GADL1: variants seen among roughly 807,000 people sequenced by gnomAD.
GADL1 encodes GAD like acidic amino acid decarboxylase 1, also known as acidic amino acid decarboxylase GADL1.
A neutral mutation model predicts 69.5 loss-of-function variants in GADL1; 71 were observed. The observed-to-expected ratio is 1.02, with a 90% CI of 0.84 to 1.25. GADL1 has a LOEUF of 1.25. Among genes scored for constraint, GADL1 ranks in the 50% most tolerant of loss-of-function variants. The pLI is 0.00. For missense variants in GADL1, 737 were observed against 631.8 expected, an observed-to-expected ratio of 1.17 and a Z score of -1.79; for synonymous variants, 254 against 214.4, an observed-to-expected ratio of 1.18 and a Z score of -1.62.
chr3:30,850,347 GACAGGCTTTTTTTCAAACCAA>G (rs749743929), intron 5 of GADL1, among the ~76,000 whole-genome samples: 1 of 151,978 alleles, frequency 6.6e-6, no homozygotes, highest in Non-Finnish European at 1.5e-5. Context: ...TTATTCCCAT[GACAGGCTTTTTTTCAAACCAA>G]AAGTCTCAAT....
intron 6 of GADL1, among the ~76,000 whole-genome samples, chr3:30,845,329 C>T (rs1575231811): frequency 1.3e-5 from 2 of 152,206 alleles, no homozygotes; most frequent in East Asian, 3.9e-4. Flanking sequence ...ATATGTCGCT[C>T]TTCATACATT....
intron 1 of GADL1, among the ~76,000 whole-genome samples, chr3:30,883,739 T>G (rs1030693136): frequency 6.6e-6 from 1 of 152,028 alleles, no homozygotes; most frequent in Non-Finnish European, 1.5e-5. Flanking sequence ...CTGGGTAGCA[T>G]GGACGTCTTA....
chr3:30,761,893 A>G (rs1327242838), intron 14 of GADL1, among the ~76,000 whole-genome samples: 1 of 152,200 alleles, frequency 6.6e-6, no homozygotes, highest in East Asian at 1.9e-4. Context: ...CACAGGATAT[A>G]TAATATGAAG....
rs563344584 is a variant in GADL1, at chr3:30,861,643, T to C, written c.160A>G (p.Arg54Gly). ...AGEKFVEEACRLIMEEVVLKA... is the reference protein window; with the variant it reads ...AGEKFVEEACGLIMEEVVLKA... ...AAAACCACCTCTTCCATTATTAGCC[T>C]ACAGGCCTCTTCAACAAATTTTTCT... Residue 54 changes from arginine (R) to glycine (G), a missense_variant, in exon 2 of 15, where the codon AGG becomes GGG. Physicochemically the swap from Arg to Gly is moderately radical, Grantham distance 125 (BLOSUM62 -2). Coordinates refer to ENST00000282538, the MANE Select transcript of GADL1 (RefSeq NM_207359.3). The C allele has an allele frequency of 4.5e-6, 7 of 1,550,378 alleles. No homozygotes were observed. Among genetic ancestry groups the C allele is most frequent in the East Asian group, 4.9e-5 (2 of 40,882 alleles).
intron 11 of GADL1, among the ~76,000 whole-genome samples, chr3:30,805,450 ACT>A (rs72375891): frequency 0.11 from 16,367 of 152,034 alleles, 1,772 homozygotes; most frequent in African/African-American, 0.27. Context: ...CCTGTTTCAA[ACT>A]CTTATTTTTT....
In GADL1 at chr3:30,833,879, A is replaced by G. The variant is rs780108665; in HGVS notation, c.1024T>C (p.Cys342Arg). ...GATTTGTCTTTCACAAGGAGAGCAC[A>G]GCACTGGATCCCAGCCATCAGCATC... ...HKMLMAGIQC[C>R]ALLVKDKSDL... Residue 342 changes from cysteine (C) to arginine (R), a missense_variant, in exon 11 of 15, where the codon TGT (cysteine) becomes CGT (arginine). Physicochemically the swap from Cys to Arg is radical, Grantham distance 180. Coordinates refer to ENST00000282538, the MANE Select transcript of GADL1 (RefSeq NM_207359.3). 11 of 1,612,708 alleles carry G rather than the reference A, an allele frequency of 6.8e-6. No homozygotes were observed. Among genetic ancestry groups the G allele is most frequent in the African/African-American group, 6.7e-5 (5 of 74,820 alleles).
chr3:30,800,302 A>G (rs1345035161), intron 12 of GADL1: 1 of 152,936 alleles, frequency 6.5e-6, no homozygotes, highest in Non-Finnish European at 1.5e-5. Flanking sequence ...GAAGAATGCA[A>G]AAGTAGAAAC....
At chr3:30,788,493 A>C (rs1278527517) in intron 12 of GADL1, among the ~76,000 whole-genome samples, 1 of 152,184 alleles carries the variant, frequency 6.6e-6, no homozygotes, top group Non-Finnish European at 1.5e-5. Flanking sequence ...TCTTGCCTTG[A>C]TGTTGGTTGC....
At chr3:30,752,152 A>G (rs1424534278) in intron 14 of GADL1, among the ~76,000 whole-genome samples, 1 of 151,826 alleles carries the variant, frequency 6.6e-6, no homozygotes, top group African/African-American at 2.4e-5. Context: ...GAGAAGCTTG[A>G]GCAGAAGATG....
At chr3:30,877,065 C>T (rs753558207) in intron 1 of GADL1, among the ~76,000 whole-genome samples, 10 of 151,842 alleles carry the variant, frequency 6.6e-5, no homozygotes, top group East Asian at 3.9e-4. Flanking sequence ...TTATATTACA[C>T]GTTTTTGGAC....
intron 1 of GADL1, among the ~76,000 whole-genome samples, chr3:30,887,676 T>A (rs1021139315): frequency 4.6e-5 from 7 of 152,188 alleles, no homozygotes; most frequent in African/African-American, 1.7e-4. Flanking sequence ...GGAAAAATGT[T>A]GAACCGTGAG....
At chr3:30,759,243 G>T (rs1026614231) in intron 14 of GADL1, among the ~76,000 whole-genome samples, 22 of 141,524 alleles carry the variant, frequency 1.6e-4, no homozygotes, top group Admixed American at 1.5e-3. Context: ...CTCTCACAAT[G>T]ATTATGTAAA....
intron 14 of GADL1, among the ~76,000 whole-genome samples, chr3:30,752,571 G>C (rs896424959): frequency 6.6e-6 from 1 of 152,078 alleles, no homozygotes; most frequent in Non-Finnish European, 1.5e-5. Flanking sequence ...ACCCAGTCTC[G>C]AGGAGTTATG....
chr3:30,763,425 C>T (rs1226948606), intron 14 of GADL1, among the ~76,000 whole-genome samples: 1 of 144,688 alleles, frequency 6.9e-6, no homozygotes, highest in Non-Finnish European at 1.5e-5. Context: ...ATGGCTGAAC[C>T]CGGGAGGTGG....
intron 11 of GADL1, among the ~76,000 whole-genome samples, chr3:30,809,468 T>TG: frequency 6.6e-6 from 1 of 152,314 alleles, no homozygotes; most frequent in East Asian, 1.9e-4. Flanking sequence ...GATGTTTCAA[T>TG]GTAGGAGGTT....
intron 13 of GADL1, among the ~76,000 whole-genome samples, chr3:30,781,046 ACTT>A (rs1454896882): frequency 1.3e-5 from 2 of 152,176 alleles, no homozygotes; most frequent in African/African-American, 4.8e-5. Flanking sequence ...TGAAAGTCTG[ACTT>A]CTTGGGTGTC....
chr3:30,835,466 C>T (rs1167373987), intron 9 of GADL1, among the ~76,000 whole-genome samples: 1 of 151,978 alleles, frequency 6.6e-6, no homozygotes, highest in Non-Finnish European at 1.5e-5. Context: ...CAGAGTATTA[C>T]AAAATTTGGG....
intron 14 of GADL1, among the ~76,000 whole-genome samples, chr3:30,750,659 ACACAATTG>A (rs1695795151): frequency 6.6e-6 from 1 of 151,576 alleles, no homozygotes; most frequent in Non-Finnish European, 1.5e-5. Flanking sequence ...TTTTTTTTTA[ACACAATTG>A]CTACAGCTAA....
At chr3:30,885,852 CT>C (rs1287868358) in intron 1 of GADL1, among the ~76,000 whole-genome samples, 1 of 151,978 alleles carries the variant, frequency 6.6e-6, no homozygotes, top group Admixed American at 6.6e-5. Flanking sequence ...AGTGATCCTC[CT>C]ACTTTGTCCT....
Sources: gnomAD v4.1 joint callset for allele counts (sites outside exome capture counted in the v4.1 genomes callset) on GRCh38, gnomAD v4.1.1 for gene constraint, MANE v1.5 for transcripts, NCBI Gene and HGNC (gene_info 2026-07-23, HGNC 2026-07-21) for gene names.